CTNNA2: variants seen among roughly 807,000 people sequenced by gnomAD.
The protein encoded by CTNNA2 is catenin alpha 2.
Under a neutral mutation model 101.0 loss-of-function variants are expected in CTNNA2, and 42 were observed. The ratio of observed to expected loss-of-function variants is 0.42; its 90% confidence interval spans 0.32 to 0.54. CTNNA2 has a LOEUF of 0.54. Among genes scored for constraint, CTNNA2 ranks in the 20% least tolerant of loss-of-function variants. CTNNA2 has a pLI of 0.14. For missense variants in CTNNA2, 871 were observed against 1,223.1 expected (o/e 0.71, Z 4.29); for synonymous variants, 450 against 456.4 (o/e 0.99, Z 0.18).
chr2:80,187,680 C>T (rs1706218238), intron 7 of CTNNA2, among the ~76,000 whole-genome samples: 1 of 152,114 alleles, frequency 6.6e-6, no homozygotes, highest in Non-Finnish European at 1.5e-5. Flanking sequence ...TTGGAACCAG[C>T]AACATCCGTA....
At chr2:80,092,775 C>G (rs1355991508) in intron 7 of CTNNA2, among the ~76,000 whole-genome samples, 1 of 151,988 alleles carries the variant, frequency 6.6e-6, no homozygotes, top group Admixed American at 6.6e-5. Flanking sequence ...TCTTCAGCTC[C>G]CATTGCCATG....
intron 4 of CTNNA2, among the ~76,000 whole-genome samples, chr2:79,417,337 C>A (rs1226401113): frequency 6.6e-6 from 1 of 152,072 alleles, no homozygotes; most frequent in Non-Finnish European, 1.5e-5. Context: ...GGAAGCAAAT[C>A]TTTTTGTAAG....
intron 16 of CTNNA2, among the ~76,000 whole-genome samples, chr2:80,606,412 A>AC (rs1553407272): frequency 2.9e-4 from 14 of 48,652 alleles, no homozygotes; most frequent in African/African-American, 1.3e-3. Context: ...ACACACACAC[A>AC]CCCCCCAGGA....
intron 7 of CTNNA2, among the ~76,000 whole-genome samples, chr2:80,244,225 A>C (rs1241408316): frequency 6.6e-6 from 1 of 152,230 alleles, no homozygotes; most frequent in Non-Finnish European, 1.5e-5. Flanking sequence ...AAGAAAGGAA[A>C]GTACATATGC....
At chr2:79,663,620 C>A (rs1682193970) in intron 2 of CTNNA2, among the ~76,000 whole-genome samples, 1 of 152,120 alleles carries the variant, frequency 6.6e-6, no homozygotes, top group Non-Finnish European at 1.5e-5. Context: ...CTCACAGAGA[C>A]CTTTTCTGAC....
intron 7 of CTNNA2, among the ~76,000 whole-genome samples, chr2:80,022,570 C>G (rs1458397876): frequency 6.6e-6 from 1 of 151,950 alleles, no homozygotes; most frequent in Non-Finnish European, 1.5e-5. Context: ...TTTAGACCAG[C>G]TTGGGCAACA....
chr2:80,207,847 A>G lies in CTNNA2; in HGVS notation c.1057-185364A>G, dbSNP rs77626880. On this transcript the variant is annotated intron_variant, in intron 7 of 18. Coordinates refer to ENST00000402739, the MANE Select transcript of CTNNA2 (RefSeq NM_001282597.3). ...GATAGCAAAGAATAGAATTCTGGGG[A>G]GCAGCAGAACTTAGGGGAGCAACTA... Among the ~76,000 whole-genome samples the G allele has an allele frequency of 4.1e-3, 619 of 152,296 alleles. 1 individual carries two copies. The highest frequency in any genetic ancestry group is 0.014 in the African/African-American group (586 of 41,574).
chr2:79,281,098 C>T lies in CTNNA2; in HGVS notation c.-405-31611C>T, dbSNP rs114142164. ...GCTAAAGCATCATTAGCACACACATCCTCATCTCAAGATATGCTTCTGGGA... is the reference window on the plus strand; with the variant it reads ...GCTAAAGCATCATTAGCACACACATTCTCATCTCAAGATATGCTTCTGGGA... On this transcript the variant is annotated intron_variant, in intron 2 of 21. Coordinates refer to the CTNNA2 transcript ENST00000466387. Among the ~76,000 whole-genome samples, 1,179 of 152,182 alleles carry T rather than the reference C, an allele frequency of 7.7e-3. 12 individuals carry two copies. Among genetic ancestry groups the T allele is most frequent in the Non-Finnish European group, 9.9e-3 (671 of 68,004 alleles).
chr2:80,539,357 A>C (rs1470432828), intron 9 of CTNNA2, among the ~76,000 whole-genome samples: 3 of 145,508 alleles, frequency 2.1e-5, no homozygotes, highest in African/African-American at 7.6e-5. Context: ...TAGTTCTGCT[A>C]ATGATATTGT....
chr2:80,443,964 C>T (rs1321211329), intron 9 of CTNNA2, among the ~76,000 whole-genome samples: 1 of 152,106 alleles, frequency 6.6e-6, no homozygotes, highest in Non-Finnish European at 1.5e-5. Flanking sequence ...GTTAGGGAGA[C>T]ATGAATAGGT....
intron 1 of CTNNA2, among the ~76,000 whole-genome samples, chr2:79,643,943 C>T (rs1248988009): frequency 6.6e-6 from 1 of 152,110 alleles, no homozygotes; most frequent in Non-Finnish European, 1.5e-5. Context: ...ATCCCTCTGC[C>T]TTTTCCCTTA....
chr2:79,728,608 T>G (rs185264796), intron 2 of CTNNA2, among the ~76,000 whole-genome samples: 7 of 152,356 alleles, frequency 4.6e-5, no homozygotes, highest in African/African-American at 1.7e-4. Context: ...TTTTGGCTTT[T>G]GTTGCCATTG....
chr2:80,620,888 G>C (rs563881427), intron 18 of CTNNA2, among the ~76,000 whole-genome samples: 2 of 152,018 alleles, frequency 1.3e-5, no homozygotes, highest in African/African-American at 4.8e-5. Flanking sequence ...GTGCGCTTGT[G>C]CAAATTCAGA....
At chr2:80,131,245 C>G (rs1702399367) in intron 7 of CTNNA2, among the ~76,000 whole-genome samples, 1 of 151,986 alleles carries the variant, frequency 6.6e-6, no homozygotes, top group African/African-American at 2.4e-5. Context: ...ATTTAGTAGA[C>G]ACGAGATTTC....
At chr2:80,351,203 G>A (rs993574565) in intron 7 of CTNNA2, among the ~76,000 whole-genome samples, 1 of 152,054 alleles carries the variant, frequency 6.6e-6, no homozygotes, top group East Asian at 1.9e-4. Context: ...CCAGTTGCAA[G>A]TGTGATTAAA....
chr2:79,304,201 T>G (rs1159167204), intron 2 of CTNNA2, among the ~76,000 whole-genome samples: 1 of 152,122 alleles, frequency 6.6e-6, no homozygotes, highest in Non-Finnish European at 1.5e-5. Context: ...GGAAACTGCG[T>G]CAAGGGTGAC....
chr2:80,303,511 G>T lies in CTNNA2; in HGVS notation c.1057-89700G>T. On this transcript the variant is annotated intron_variant, in intron 7 of 18. Transcript: ENST00000402739. The surrounding 1 kb of genome is among the most constrained non-coding windows in gnomAD (Gnocchi z 7.7). The stretch of plus-strand genomic sequence containing the variant: ...GTTTCTGAAAGGCGTCCCCCTGCAC[G>T]GAGCAGATGTGATTGTGATCCAGAT... 1 of 1,614,240 alleles carries T rather than the reference G, an allele frequency of 6.2e-7. No homozygotes were observed. The highest frequency in any genetic ancestry group is 8.5e-7 in the Non-Finnish European group (1 of 1,180,048).
intron 7 of CTNNA2, among the ~76,000 whole-genome samples, chr2:80,311,730 T>A (rs1365289573): frequency 6.6e-6 from 1 of 152,264 alleles, no homozygotes; most frequent in Admixed American, 6.5e-5. Context: ...GTTCTGTTGT[T>A]CCTGTTTCAC....
intron 13 of CTNNA2, among the ~76,000 whole-genome samples, chr2:80,581,359 A>G (rs1254494543): frequency 6.6e-6 from 1 of 152,204 alleles, no homozygotes; most frequent in Non-Finnish European, 1.5e-5. Context: ...TTATAGAAGT[A>G]TAGGTGTAAA....
Sources: allele counts gnomAD v4.1 joint callset (sites outside exome capture counted in the v4.1 genomes callset), GRCh38; gene constraint gnomAD v4.1.1; non-coding constraint Gnocchi (gnomAD v3.1); transcripts MANE v1.5; gene names NCBI Gene and HGNC (gene_info 2026-07-23, HGNC 2026-07-21).